PAM: variants seen among roughly 807,000 people sequenced by gnomAD.
PAM encodes peptidylglycine alpha-amidating monooxygenase.
In PAM, 72 loss-of-function variants were observed where a neutral mutation model predicts 122.1. The observed-to-expected ratio is 0.59, with a 90% CI of 0.49 to 0.72. The LOEUF is 0.72. Among genes scored for constraint, PAM ranks in the 30% least tolerant of loss-of-function variants. The pLI is 0.00. For synonymous variants in PAM, 389 were observed against 404.4 expected, an observed-to-expected ratio of 0.96 and a Z score of 0.46; for missense variants, 1,106 against 1,183.7, an observed-to-expected ratio of 0.93 and a Z score of 0.96.
chr5:102,944,749 A>AG (rs1298514553), intron 7 of PAM, among the ~76,000 whole-genome samples: 4 of 152,112 alleles, frequency 2.6e-5, no homozygotes, highest in Admixed American at 6.6e-5. Context: ...ATTTCCTTTT[A>AG]CCCAGACCAT....
intron 1 of PAM, among the ~76,000 whole-genome samples, chr5:102,822,941 C>A (rs937921475): frequency 1.3e-5 from 2 of 152,182 alleles, no homozygotes; most frequent in South Asian, 4.1e-4. Flanking sequence ...TGGCCCTCCC[C>A]CACCCTCTAT....
intron 4 of PAM, among the ~76,000 whole-genome samples, chr5:102,909,037 AT>A (rs1235141268): frequency 6.6e-6 from 1 of 151,718 alleles, no homozygotes; most frequent in African/African-American, 2.4e-5. Flanking sequence ...CATAATCATT[AT>A]TTTTTTGGAA....
chr5:103,005,301 G>C (rs1582814237), intron 18 of PAM, 75 bp downstream of exon 18: 1 of 851,856 alleles, frequency 1.2e-6, no homozygotes, highest in Non-Finnish European at 2.0e-6. Context: ...GAGTTGTATG[G>C]GTTTTTTGTT....
rs201356026 is a variant in PAM at position 103,007,041 on chromosome 5, G to T, written c.2014+30G>T. On this transcript the variant is annotated intron_variant, in intron 19 of 25. Coordinates refer to ENST00000438793, the MANE Select transcript of PAM (RefSeq NM_001177306.2). ...CCAATAAGACTCTTAATCTCCAGTT[G>T]TAATTCTTAGCCAGTATCACTGGGA... 4.6e-4 allele frequency: 685 copies of T among 1,479,334 alleles called. 1 individual carries two copies. Among genetic ancestry groups the T allele is most frequent in the Non-Finnish European group, 2.5e-4 (272 of 1,067,392 alleles). The allele number at this position is 1,479,334 out of a possible 1,614,324, so 91.6% of individuals were successfully genotyped here. A position where few individuals can be genotyped will look rare whatever the true frequency, so the allele number is the denominator to read the frequency against.
At chr5:102,780,655 C>A (rs551717863) in intron 1 of PAM, among the ~76,000 whole-genome samples, 1 of 152,136 alleles carries the variant, frequency 6.6e-6, no homozygotes, top group African/African-American at 2.4e-5. Context: ...CCCTGACAAC[C>A]AGATTTCTGA....
intron 3 of PAM, among the ~76,000 whole-genome samples, chr5:102,879,562 T>C (rs1245111536): frequency 1.3e-5 from 2 of 152,072 alleles, no homozygotes; most frequent in Non-Finnish European, 2.9e-5. Flanking sequence ...AAGTGTGTAG[T>C]ACCTCCCCCT....
intron 1 of PAM, among the ~76,000 whole-genome samples, chr5:102,800,759 G>T (rs1461687876): frequency 6.6e-6 from 1 of 152,184 alleles, no homozygotes; most frequent in African/African-American, 2.4e-5. Flanking sequence ...GACATAGACA[G>T]ACAAGAGCTG....
intron 1 of PAM, among the ~76,000 whole-genome samples, chr5:102,756,032 C>T (rs1750202275): frequency 6.6e-6 from 1 of 152,176 alleles, no homozygotes; most frequent in South Asian, 2.1e-4. Flanking sequence ...GTCACCTTCC[C>T]AGCTCTGTGG....
At position 103,003,045 on chromosome 5, in the gene PAM, C is replaced by G; in HGVS notation, c.1626C>G (p.Ser542Arg). The change falls in exon 17 of 26, where the codon AGC becomes AGG. Residue 542 changes from serine to arginine, a missense_variant. Physicochemically the swap from Ser to Arg is moderately radical, Grantham distance 110 (BLOSUM62 -1). This residue lies in a region of PAM where 670 missense variants were observed against 690.3 expected (regional missense o/e 0.97). Transcript: ENST00000438793. ...DHVWDGNSFD[S>R]KFVYQQIGLG... ...GCTTTTTGTTTAGCTCGTTTGACAG[C>G]AAGTTTGTTTACCAGCAAATAGGAC... 1 of 1,565,660 alleles carries G rather than the reference C, an allele frequency of 6.4e-7. No individual in the cohort carries two copies. The highest frequency in any genetic ancestry group is 8.8e-7 in the Non-Finnish European group (1 of 1,136,422).
At chr5:102,900,641 T>C (rs1052227270) in intron 3 of PAM, among the ~76,000 whole-genome samples, 2 of 151,642 alleles carry the variant, frequency 1.3e-5, no homozygotes, top group African/African-American at 4.8e-5. Flanking sequence ...AGCCTGTATT[T>C]GTATTGGGCA....
At chr5:102,933,796 A>G (rs1752358905) in intron 7 of PAM, among the ~76,000 whole-genome samples, 1 of 152,238 alleles carries the variant, frequency 6.6e-6, no homozygotes, top group Non-Finnish European at 1.5e-5. Flanking sequence ...ATTTTGAACA[A>G]GATGGAGCAG....
chr5:103,007,165 TCACA>T (rs113747381), intron 19 of PAM, among the ~76,000 whole-genome samples, 154 bp downstream of exon 19: 2 of 140,758 alleles, frequency 1.4e-5, no homozygotes, highest in African/African-American at 5.4e-5. Context: ...AGCTTGTCTC[TCACA>T]CACACACACA....
chr5:102,955,208 G>C (rs17154859), intron 12 of PAM, among the ~76,000 whole-genome samples: 1 of 151,712 alleles, frequency 6.6e-6, no homozygotes, highest in Non-Finnish European at 1.5e-5. Flanking sequence ...ATATTTGGAA[G>C]TTTTTAAGTC....
intron 14 of PAM, among the ~76,000 whole-genome samples, chr5:102,965,395 A>G (rs773893974): frequency 1.1e-4 from 17 of 151,944 alleles, no homozygotes; most frequent in South Asian, 2.1e-4. Context: ...AAAAGTCTAC[A>G]CAATTACATT....
chr5:102,881,340 A>G (rs1174603702), intron 3 of PAM, among the ~76,000 whole-genome samples: 2 of 152,124 alleles, frequency 1.3e-5, no homozygotes, highest in Non-Finnish European at 2.9e-5. Flanking sequence ...CGTTCATGTT[A>G]ATAATCAGAT....
chr5:102,797,094 A>G (rs1199934060), intron 1 of PAM, among the ~76,000 whole-genome samples: 1 of 152,194 alleles, frequency 6.6e-6, no homozygotes, highest in Non-Finnish European at 1.5e-5. Context: ...AGACTTAAAG[A>G]ATATCTTTAA....
At chr5:102,966,530 A>G (rs1448943794) in intron 14 of PAM, among the ~76,000 whole-genome samples, 1 of 152,156 alleles carries the variant, frequency 6.6e-6, no homozygotes, top group Non-Finnish European at 1.5e-5. Flanking sequence ...CACCATGGTC[A>G]TGTGTTTTAT....
intron 14 of PAM, among the ~76,000 whole-genome samples, chr5:102,973,538 A>AT (rs1338393573): frequency 6.6e-6 from 1 of 152,148 alleles, no homozygotes; most frequent in East Asian, 1.9e-4. Flanking sequence ...TCACTTGCTC[A>AT]TTTTTTGTTT....
chr5:102,982,187 C>G (rs1435208731), intron 15 of PAM, among the ~76,000 whole-genome samples: 1 of 152,162 alleles, frequency 6.6e-6, no homozygotes, highest in African/African-American at 2.4e-5. Context: ...AAGGATGGGT[C>G]TGTCAAGCCT....
Sources: allele counts gnomAD v4.1 joint callset (sites outside exome capture counted in the v4.1 genomes callset), GRCh38; gene constraint gnomAD v4.1.1; regional missense constraint gnomAD v4.1.1; transcripts MANE v1.5; gene names NCBI Gene and HGNC (gene_info 2026-07-23, HGNC 2026-07-21).